Variants in ITGA6 observed in about 807,000 individuals in gnomAD.
The protein encoded by ITGA6 is integrin subunit alpha 6, also known as integrin alpha-6.
In ITGA6, 63 loss-of-function variants were observed where a neutral mutation model predicts 133.6. The observed-to-expected ratio is 0.47, with a 90% CI of 0.38 to 0.58. ITGA6 has a LOEUF of 0.58. ITGA6 is among the 20% of genes least tolerant of loss of function. The pLI, the probability that ITGA6 is intolerant of heterozygous loss-of-function variation, is 0.00. For missense variants in ITGA6, 1,068 were observed against 1,309.4 expected (o/e 0.82, Z 2.85); for synonymous variants, 434 against 482.0 (o/e 0.90, Z 1.30).
chr2:172,455,916 C>G (rs921104577), intron 1 of ITGA6, among the ~76,000 whole-genome samples: 17 of 152,206 alleles, frequency 1.1e-4, no homozygotes, highest in African/African-American at 3.9e-4. Flanking sequence ...GAAGAGTTTA[C>G]AGAGGCAGAG....
chr2:172,503,059 A>G (rs140379464), intron 25 of ITGA6, among the ~76,000 whole-genome samples: 2 of 152,120 alleles, frequency 1.3e-5, no homozygotes, highest in East Asian at 1.9e-4. Flanking sequence ...AGTGATAACT[A>G]TACATATAAT....
chr2:172,483,200 G>A (rs1294972988), intron 11 of ITGA6, among the ~76,000 whole-genome samples: 1 of 152,178 alleles, frequency 6.6e-6, no homozygotes, highest in African/African-American at 2.4e-5. Context: ...GCTGGGAGGT[G>A]GAAGGGAAAA....
rs61499296 is a variant in ITGA6 at position 172,504,272 on chromosome 2, A to AAT, written c.*204_*205insAT. 2.5e-4 allele frequency: 375 copies of AAT among 1,503,506 alleles called. No individual in the cohort carries two copies. Among genetic ancestry groups the AAT allele is most frequent in the Admixed American group, 3.6e-4 (15 of 42,048 alleles). The allele number at this position is 1,503,506 out of a possible 1,614,324, so 93.1% of individuals were successfully genotyped here. On this transcript the variant is annotated 3_prime_UTR_variant, in exon 26 of 26. Transcript: ENST00000684293. ...TCATAGCGGGGGCCTAAAAAAAAAA[A>AAT]GCTTCACAGTACCCAAACTGCTTTT...
intron 1 of ITGA6, among the ~76,000 whole-genome samples, chr2:172,464,941 A>AG (rs752235557): frequency 5.2e-4 from 60 of 115,464 alleles, no homozygotes; most frequent in Non-Finnish European, 9.4e-4. Flanking sequence ...ATAAAACTGG[A>AG]GGGAAAAAAA....
At chr2:172,470,115 C>T (rs996984937) in intron 4 of ITGA6, among the ~76,000 whole-genome samples, 1 of 152,136 alleles carries the variant, frequency 6.6e-6, no homozygotes, top group African/African-American at 2.4e-5. Flanking sequence ...TAATAAGTCA[C>T]ATAACACTTT....
chr2:172,462,445 C>G (rs1028569623), intron 1 of ITGA6, among the ~76,000 whole-genome samples: 1 of 152,148 alleles, frequency 6.6e-6, no homozygotes, highest in Non-Finnish European at 1.5e-5. Flanking sequence ...CTTTTCGAAT[C>G]TGTTGTCCTT....
intron 11 of ITGA6, among the ~76,000 whole-genome samples, chr2:172,480,369 TGTGGTTGTGAGGTGGTGGGTGGTGGCTG>T (rs903604954): frequency 2.1e-4 from 32 of 152,170 alleles, no homozygotes; most frequent in African/African-American, 4.8e-4. Flanking sequence ...AAATTGATTT[TGTGGTTGTGAGGTGGTGGGTGGTGGCTG>T]GTGGTTGTGA....
intron 1 of ITGA6, among the ~76,000 whole-genome samples, chr2:172,434,530 C>T (rs772213437): frequency 6.6e-6 from 1 of 152,142 alleles, no homozygotes; most frequent in African/African-American, 2.4e-5. Context: ...CAGATTCCAA[C>T]GTTGGATCCC....
chr2:172,477,849 C>T (rs1686245353), intron 9 of ITGA6, among the ~76,000 whole-genome samples: 1 of 152,228 alleles, frequency 6.6e-6, no homozygotes, highest in Admixed American at 6.5e-5. Context: ...CTAAATCTTC[C>T]TGACTTGAAT....
chr2:172,486,450 T>C (rs1686682821), intron 13 of ITGA6, among the ~76,000 whole-genome samples: 1 of 152,172 alleles, frequency 6.6e-6, no homozygotes, highest in African/African-American at 2.4e-5. Context: ...TATTTATCGG[T>C]GTGATTATCA....
At chr2:172,470,165 A>G (rs1257250604) in intron 4 of ITGA6, among the ~76,000 whole-genome samples, 3 of 152,184 alleles carry the variant, frequency 2.0e-5, no homozygotes, top group East Asian at 1.9e-4. Context: ...TCCCTTTTCC[A>G]TTCAACAATT....
chr2:172,453,981 G>A (rs1169572093), intron 1 of ITGA6, among the ~76,000 whole-genome samples: 2 of 152,086 alleles, frequency 1.3e-5, no homozygotes, highest in Admixed American at 6.5e-5. Flanking sequence ...ACACACAGTC[G>A]TATAATCACT....
chr2:172,462,520 C>T (rs973711445), intron 1 of ITGA6, among the ~76,000 whole-genome samples: 3 of 151,280 alleles, frequency 2.0e-5, no homozygotes, highest in Non-Finnish European at 2.9e-5. Flanking sequence ...CAGTAGCCGC[C>T]GCATGTAAGA....
chr2:172,428,168 G>T lies in ITGA6; in HGVS notation c.182+198G>T, dbSNP rs146090839. ...CCCGCGCGGCGCCTCCCTCCATTCAGCTCGGGAAGGAGGAGAACCCGAGGG... is the reference window on the plus strand; with the variant it reads ...CCCGCGCGGCGCCTCCCTCCATTCATCTCGGGAAGGAGGAGAACCCGAGGG... On this transcript the variant is annotated intron_variant, in intron 1 of 25. Transcript: ENST00000684293. 683 of 308,298 alleles carry T rather than the reference G, an allele frequency of 2.2e-3. 4 individuals are homozygous for T. The highest frequency in any genetic ancestry group is 0.014 in the African/African-American group (643 of 45,296). 19.1% of individuals were successfully genotyped at this position (308,298 alleles called of 1,614,324 possible). A position where few individuals can be genotyped will look rare whatever the true frequency, so the allele number is the denominator to read the frequency against.
intron 9 of ITGA6, 45 bp downstream of exon 9, chr2:172,476,558 G>A (rs749388101): frequency 8.8e-7 from 1 of 1,140,244 alleles, no homozygotes; most frequent in Non-Finnish European, 1.3e-6. Context: ...CTATAATCAG[G>A]TTATACTAAA....
At chr2:172,474,831 CCTTT>C in intron 6 of ITGA6, 94 bp from the exon 7 acceptor site, 1 of 757,284 alleles carries the variant, frequency 1.3e-6, no homozygotes, top group African/African-American at 1.7e-5. Flanking sequence ...GAGTTGAGGG[CCTTT>C]CTATTATATG....
At chr2:172,464,878 A>G (rs888422116) in intron 1 of ITGA6, among the ~76,000 whole-genome samples, 5 of 152,118 alleles carry the variant, frequency 3.3e-5, no homozygotes, top group Non-Finnish European at 7.4e-5. Context: ...AAGAACAAAC[A>G]TCAACTTGTA....
At chr2:172,498,278 G>A (rs1028221422) in intron 24 of ITGA6, among the ~76,000 whole-genome samples, 178 bp downstream of exon 24, 4 of 152,072 alleles carry the variant, frequency 2.6e-5, no homozygotes, top group South Asian at 2.1e-4. Flanking sequence ...TATATTTACC[G>A]AATATTTTGT....
chr2:172,497,562 A>G (rs1361347273), intron 23 of ITGA6, among the ~76,000 whole-genome samples: 1 of 152,094 alleles, frequency 6.6e-6, no homozygotes, highest in Non-Finnish European at 1.5e-5. Context: ...GATAGATAGA[A>G]CAGACTGGCT....
Sources: gnomAD v4.1 joint callset for allele counts (sites outside exome capture counted in the v4.1 genomes callset) on GRCh38, gnomAD v4.1.1 for gene constraint, MANE v1.5 for transcripts, NCBI Gene and HGNC (gene_info 2026-07-23, HGNC 2026-07-21) for gene names.